The following FNDC3B variants were observed in gnomAD, a reference collection of about 807,000 sequenced individuals.
FNDC3B encodes the protein fibronectin type III domain containing 3B, also known as fibronectin type III domain-containing protein 3B.
FNDC3B carries 12 observed loss-of-function variants against 151.5 expected under a neutral mutation model. The ratio of observed to expected loss-of-function variants is 0.08; its 90% confidence interval spans 0.05 to 0.13. The LOEUF (loss-of-function observed/expected upper bound fraction) is 0.13, where lower values mean the gene tolerates loss of function less well. Ranked by LOEUF, FNDC3B falls within the 10% of genes least tolerant of loss-of-function variation. The pLI, the probability that FNDC3B is intolerant of heterozygous loss-of-function variation, is 1.00. For synonymous variants in FNDC3B, 528 were observed against 549.0 expected, an observed-to-expected ratio of 0.96 and a Z score of 0.54; for missense variants, 1,214 against 1,505.3, an observed-to-expected ratio of 0.81 and a Z score of 3.20.
intron 6 of FNDC3B, among the ~76,000 whole-genome samples, chr3:172,282,367 A>G (rs1402100593): frequency 6.6e-6 from 1 of 152,196 alleles, no homozygotes; most frequent in Non-Finnish European, 1.5e-5. Context: ...GAAAGAAGAC[A>G]GAATTCCATC....
intron 6 of FNDC3B, among the ~76,000 whole-genome samples, chr3:172,252,080 G>A (rs530049943): frequency 1.3e-5 from 2 of 152,300 alleles, no homozygotes; most frequent in Admixed American, 6.5e-5. Flanking sequence ...AAGAATGAGG[G>A]CCACCACATA....
chr3:172,111,333 A>T (rs767625779), intron 1 of FNDC3B, among the ~76,000 whole-genome samples: 10 of 152,160 alleles, frequency 6.6e-5, no homozygotes, highest in Non-Finnish European at 1.3e-4. Context: ...TTTCATGAGG[A>T]TAAACTATCA....
chr3:172,118,892 G>T (rs1720392507), intron 2 of FNDC3B, among the ~76,000 whole-genome samples: 1 of 152,050 alleles, frequency 6.6e-6, no homozygotes, highest in South Asian at 2.1e-4. Flanking sequence ...AGGATAGGCT[G>T]GCATGTTGGC....
chr3:172,393,514 G>A (rs978354217), intron 25 of FNDC3B, among the ~76,000 whole-genome samples: 9 of 152,110 alleles, frequency 5.9e-5, no homozygotes, highest in Non-Finnish European at 1.2e-4. Context: ...CCTAACTGAC[G>A]TTTCATCCAA....
chr3:172,119,631 A>C (rs1720437348), intron 2 of FNDC3B, among the ~76,000 whole-genome samples: 1 of 152,238 alleles, frequency 6.6e-6, no homozygotes, highest in Admixed American at 6.5e-5. Context: ...CTGTTTTATT[A>C]AAGGAGAATA....
At chr3:172,042,548 G>A (rs1056753370) in intron 1 of FNDC3B, among the ~76,000 whole-genome samples, 1 of 152,198 alleles carries the variant, frequency 6.6e-6, no homozygotes, top group African/African-American at 2.4e-5. Flanking sequence ...TGGGATATCT[G>A]ATGTGTACTA....
chr3:172,375,527 A>G (rs1735086849), intron 23 of FNDC3B, among the ~76,000 whole-genome samples: 1 of 152,178 alleles, frequency 6.6e-6, no homozygotes, highest in Non-Finnish European at 1.5e-5. Flanking sequence ...ATTACATGAC[A>G]TAGGAATTAC....
chr3:172,322,087 A>G (rs1174104973), intron 11 of FNDC3B, among the ~76,000 whole-genome samples: 4 of 152,246 alleles, frequency 2.6e-5, no homozygotes, highest in African/African-American at 9.6e-5. Flanking sequence ...GGCTTCAAAC[A>G]ATCACTTTCT....
At chr3:172,297,498 A>G (rs1231607334) in intron 8 of FNDC3B, among the ~76,000 whole-genome samples, 8 of 151,616 alleles carry the variant, frequency 5.3e-5, no homozygotes, top group Admixed American at 3.9e-4. Flanking sequence ...TTTTTGAGAC[A>G]GAGTCTTGCT....
chr3:172,329,193 G>T lies in FNDC3B; in HGVS notation c.1379+117G>T. ...TGCCTCCACACTAAATCAACTGGAG[G>T]TTTTCCAAGAGGGAATCCTAATCAG... On this transcript the variant is annotated intron_variant, in intron 12 of 25. Transcript: ENST00000415807. 2.4e-6 allele frequency: 3 copies of T among 1,245,152 alleles called. No individual in the cohort carries two copies. The South Asian group carries it at 4.4e-5, about 18-fold the overall frequency. The allele number at this position is 1,245,152 out of a possible 1,614,324, so 77.1% of individuals were successfully genotyped here. A position where few individuals can be genotyped will look rare whatever the true frequency, so the allele number is the denominator to read the frequency against.
At chr3:172,385,171 T>C (rs909256254) in intron 25 of FNDC3B, among the ~76,000 whole-genome samples, 13 of 152,146 alleles carry the variant, frequency 8.5e-5, no homozygotes, top group African/African-American at 3.1e-4. Flanking sequence ...GAATGAAACA[T>C]ATTTATGTGT....
chr3:172,147,759 C>A (rs61085539), intron 3 of FNDC3B, among the ~76,000 whole-genome samples: 41,676 of 151,734 alleles, frequency 0.27, 8,804 homozygotes, highest in African/African-American at 0.59. Flanking sequence ...AGTTCTGAGA[C>A]TCATGGAGGT....
At chr3:172,099,780 A>G (rs112912663) in intron 1 of FNDC3B, among the ~76,000 whole-genome samples, 1,836 of 152,312 alleles carry the variant, frequency 0.012, 34 homozygotes, top group African/African-American at 0.041. Context: ...AATTTGGATT[A>G]ATTTGTTCTT....
rs370049020 is a variant in FNDC3B at position 172,179,573 on chromosome 3, G to T, written c.187+46027G>T. On this transcript the variant is annotated intron_variant, in intron 3 of 25. Coordinates refer to ENST00000415807, the MANE Select transcript of FNDC3B (RefSeq NM_022763.4). Reference sequence around the variant, plus strand: ...CTGTATCCCCTCCCCCACCACCTCCGACCTCCACCCCAACTGTAAAAGTTG... The same window carrying T: ...CTGTATCCCCTCCCCCACCACCTCCTACCTCCACCCCAACTGTAAAAGTTG... 4.2e-5 allele frequency among the ~76,000 whole-genome samples: 4 copies of T among 95,994 alleles called. No homozygotes were observed. The East Asian group carries it at 9.0e-4, about 22-fold the overall frequency. 63.0% of individuals were successfully genotyped at this position (95,994 alleles called of 152,430 possible).
chr3:172,189,354 C>A (rs941752240), intron 3 of FNDC3B, among the ~76,000 whole-genome samples: 1 of 152,152 alleles, frequency 6.6e-6, no homozygotes, highest in East Asian at 1.9e-4. Context: ...CTCTGCAACA[C>A]CCTTCATAGC....
chr3:172,243,273 G>A (rs893384567), intron 4 of FNDC3B, among the ~76,000 whole-genome samples: 1 of 152,104 alleles, frequency 6.6e-6, no homozygotes. Context: ...ACATTTTCGG[G>A]TAACTTTTCA....
At chr3:172,358,954 TTGGTGGTGG>T (rs60325692) in intron 22 of FNDC3B, among the ~76,000 whole-genome samples, 10,192 of 80,456 alleles carry the variant, frequency 0.13, 793 homozygotes, top group Non-Finnish European at 0.16. Context: ...CACAGTTTTC[TTGGTGGTGG>T]TGGTGGTGGT....
At chr3:172,221,514 C>T (rs1229866412) in intron 3 of FNDC3B, among the ~76,000 whole-genome samples, 25 of 152,102 alleles carry the variant, frequency 1.6e-4, no homozygotes, top group Non-Finnish European at 7.3e-5. Context: ...TGACACTGTG[C>T]GAAGTGGGGC....
At chr3:172,324,932 C>T (rs564037020) in intron 11 of FNDC3B, among the ~76,000 whole-genome samples, 4 of 152,384 alleles carry the variant, frequency 2.6e-5, no homozygotes, top group Admixed American at 6.5e-5. Context: ...CCCACCAACG[C>T]GCAGAGAAGC....
Sources: allele counts gnomAD v4.1 joint callset (sites outside exome capture counted in the v4.1 genomes callset), GRCh38; gene constraint gnomAD v4.1.1; transcripts MANE v1.5; gene names NCBI Gene and HGNC (gene_info 2026-07-23, HGNC 2026-07-21).